CCT6B: variants seen among roughly 807,000 people sequenced by gnomAD.
CCT6B encodes the protein probable T-complex protein 1 subunit zeta-2.
A neutral mutation model predicts 61.5 loss-of-function variants in CCT6B; 49 were observed. The ratio of observed to expected loss-of-function variants is 0.80; its 90% CI spans 0.63 to 1.01. CCT6B has a LOEUF of 1.01. Among genes scored for constraint, CCT6B ranks in the 50% least tolerant of loss-of-function variants. The pLI is 0.00. For synonymous variants in CCT6B, 228 were observed against 214.5 expected, an observed-to-expected ratio of 1.06 and a Z score of -0.55; for missense variants, 666 against 634.7, an observed-to-expected ratio of 1.05 and a Z score of -0.53.
chr17:34,957,311 A>G (rs1201618090), intron 3 of CCT6B, among the ~76,000 whole-genome samples: 1 of 151,016 alleles, frequency 6.6e-6, no homozygotes, highest in East Asian at 2.0e-4. Flanking sequence ...CGCCTGGCTA[A>G]TTTTGTATTT....
rs2090029261 is a variant in CCT6B, at chr17:34,931,009, CTAA to C, written c.1387_1389del (p.Leu463del). On this transcript the variant is annotated inframe_deletion, in exon 12 of 14. Coordinates refer to ENST00000314144, the MANE Select transcript of CCT6B (RefSeq NM_006584.4). The stretch of plus-strand genomic sequence containing the variant: ...TCGACATGCTCAGCCTGAACTTTTA[CTAA>C]TGTTTCCTGTGGGTCATAACCAGCA... 4 of 1,603,230 alleles carry C rather than the reference CTAA, an allele frequency of 2.5e-6. No individual in the cohort carries two copies. The highest frequency in any genetic ancestry group is 3.4e-6 in the Non-Finnish European group (4 of 1,172,864).
At chr17:34,945,892 G>A (rs917470040) in intron 5 of CCT6B, among the ~76,000 whole-genome samples, 1 of 152,200 alleles carries the variant, frequency 6.6e-6, no homozygotes, top group Non-Finnish European at 1.5e-5. Context: ...GTAGAGAACT[G>A]CAGGATCAGT....
In CCT6B at chr17:34,939,652, A is replaced by G. The variant is rs913282339; in HGVS notation, c.1030T>C (p.Leu344=). The G allele has an allele frequency of 1.2e-6, 2 of 1,613,168 alleles. No homozygotes were observed. The highest frequency in any genetic ancestry group is 2.7e-5 in the African/African-American group (2 of 74,912). ...TCATACACAAGACCAGCATGTCCCA[A>G]GCAATCTACAGTGAGATCTTCAAAA... ...NSFEDLTVDC[L]GHAGLVYEYT... is the part of the protein sequence containing the mutation. Residue 344 remains leucine, a synonymous_variant, in exon 9 of 14, where the codon TTG becomes CTG. Coordinates refer to ENST00000314144, the MANE Select transcript of CCT6B (RefSeq NM_006584.4).
chr17:34,932,230 A>T (rs532282928), intron 11 of CCT6B, 137 bp downstream of exon 11: 1 of 766,316 alleles, frequency 1.3e-6, no homozygotes, highest in Admixed American at 3.2e-5. Flanking sequence ...TAGTTGTAAA[A>T]TATCTAAGAG....
At chr17:34,937,643 G>T (rs899981233) in intron 10 of CCT6B, among the ~76,000 whole-genome samples, 1 of 152,034 alleles carries the variant, frequency 6.6e-6, no homozygotes, top group African/African-American at 2.4e-5. Context: ...ATGACCCTAG[G>T]TTAGGTAAAG....
intron 10 of CCT6B, among the ~76,000 whole-genome samples, chr17:34,938,300 T>C (rs989509159): frequency 1.3e-5 from 2 of 152,146 alleles, no homozygotes; most frequent in Admixed American, 1.3e-4. Context: ...ATGTGGTGGC[T>C]CGTGCCTACA....
At chr17:34,946,009 A>G (rs2090219723) in intron 5 of CCT6B, among the ~76,000 whole-genome samples, 1 of 152,244 alleles carries the variant, frequency 6.6e-6, no homozygotes, top group Non-Finnish European at 1.5e-5. Context: ...GAGCTCATCC[A>G]AGGTGGAGTG....
chr17:34,958,715 A>AT, intron 2 of CCT6B, 21 bp from the exon 3 acceptor site: 16 of 1,571,004 alleles, frequency 1.0e-5, no homozygotes, highest in Non-Finnish European at 1.4e-5. Flanking sequence ...CAAGCAACAG[A>AT]TTTAAAAAGA....
At chr17:34,952,453 A>T (rs911478550) in intron 4 of CCT6B, among the ~76,000 whole-genome samples, 8 of 152,210 alleles carry the variant, frequency 5.3e-5, no homozygotes, top group African/African-American at 1.9e-4. Context: ...CCTTAATGGA[A>T]AAGAAGGAAA....
chr17:34,934,787 T>C (rs1567663670), intron 10 of CCT6B, among the ~76,000 whole-genome samples: 1 of 152,160 alleles, frequency 6.6e-6, no homozygotes, highest in African/African-American at 2.4e-5. Context: ...TTTCAGAAAT[T>C]TGAACAAGAA....
chr17:34,938,811 G>A (rs1010421504), intron 10 of CCT6B, among the ~76,000 whole-genome samples: 2 of 151,934 alleles, frequency 1.3e-5, no homozygotes, highest in African/African-American at 4.8e-5. Context: ...GGCCAGGCAT[G>A]GTGGCTCACA....
chr17:34,949,077 G>A (rs1296123488), intron 5 of CCT6B, among the ~76,000 whole-genome samples: 1 of 42,426 alleles, frequency 2.4e-5, no homozygotes, highest in East Asian at 6.1e-4. Context: ...AGGGGGAGGG[G>A]AGGGGAGGGG....
intron 7 of CCT6B, among the ~76,000 whole-genome samples, chr17:34,941,117 C>T (rs907203955): frequency 3.9e-5 from 6 of 152,110 alleles, no homozygotes; most frequent in Admixed American, 6.5e-5. Flanking sequence ...TTCTTTGATA[C>T]TATACCAAAA....
rs913334885 is a variant in CCT6B at position 34,945,806 on chromosome 17, G to A, written c.615-2900C>T. Reference sequence around the variant, plus strand: ...CTGGCTTAAAAGCAAAAAAACCTTAGCAACATTGAAGAGCTATAAGATAGT... The same window carrying A: ...CTGGCTTAAAAGCAAAAAAACCTTAACAACATTGAAGAGCTATAAGATAGT... On this transcript the variant is annotated intron_variant, in intron 5 of 13. Coordinates refer to ENST00000314144, the MANE Select transcript of CCT6B (RefSeq NM_006584.4). Among the ~76,000 whole-genome samples the A allele has an allele frequency of 9.2e-5, 14 of 152,262 alleles. No homozygotes were observed. The South Asian group carries it at 1.2e-3, about 14-fold the overall frequency.
rs1389946972 is a variant in CCT6B at position 34,958,593 on chromosome 17, C to G, written c.303G>C (p.Glu101Asp). ...TGTACAGGTCAGCTTGTTTTAATAA[C>G]TCTCCAATAATTAGAACATTTGAAG... ...GTTSNVLIIG[E>D]LLKQADLYIS... Residue 101 changes from glutamate (E) to aspartate (D), a missense_variant, in exon 3 of 14, where the codon GAG (glutamate) becomes GAC (aspartate). Glu to Asp is a conservative substitution (Grantham distance 45). Transcript: ENST00000314144. 1 of 1,587,056 alleles carries G rather than the reference C, an allele frequency of 6.3e-7. No individual in the cohort carries two copies. The highest frequency in any genetic ancestry group is 8.6e-7 in the Non-Finnish European group (1 of 1,165,136).
intron 5 of CCT6B, among the ~76,000 whole-genome samples, chr17:34,949,053 C>T (rs550672509): frequency 2.6e-5 from 2 of 75,916 alleles, no homozygotes; most frequent in African/African-American, 5.6e-5. Context: ...AAGAAAGGAA[C>T]GGAAAGGAAG....
Position 34,927,994 on chromosome 17 carries a change from A to T in CCT6B, c.*54T>A, listed in dbSNP as rs1007793198. Reference sequence around the variant, plus strand: ...GCTCAGGCTACACAATAGTAGTCAGATGTAAAGTGTACTAAATTTCATCTT... The same window carrying T: ...GCTCAGGCTACACAATAGTAGTCAGTTGTAAAGTGTACTAAATTTCATCTT... On this transcript the variant is annotated 3_prime_UTR_variant, in exon 14 of 14. Transcript: ENST00000314144. The T allele has an allele frequency of 7.8e-7, 1 of 1,278,320 alleles. No homozygotes were observed. Among genetic ancestry groups the T allele is most frequent in the African/African-American group, 1.5e-5 (1 of 67,766 alleles). The allele number at this position is 1,278,320 out of a possible 1,614,324, so 79.2% of individuals were successfully genotyped here. A position where few individuals can be genotyped will look rare whatever the true frequency, so the allele number is the denominator to read the frequency against.
At chr17:34,936,278 G>A (rs372321713) in intron 10 of CCT6B, among the ~76,000 whole-genome samples, 7 of 152,204 alleles carry the variant, frequency 4.6e-5, no homozygotes, top group South Asian at 2.1e-4. Context: ...AAAACTGTCA[G>A]CAAACTAGGT....
chr17:34,945,310 C>A (rs1428798679), intron 5 of CCT6B, among the ~76,000 whole-genome samples: 3 of 152,174 alleles, frequency 2.0e-5, no homozygotes, highest in Non-Finnish European at 2.9e-5. Context: ...ACACATCTCT[C>A]CAAATTCCTA....
Sources: allele counts gnomAD v4.1 joint callset (sites outside exome capture counted in the v4.1 genomes callset), GRCh38; gene constraint gnomAD v4.1.1; transcripts MANE v1.5; gene names NCBI Gene and HGNC (gene_info 2026-07-23, HGNC 2026-07-21).